TMCC1: variants seen among roughly 807,000 people sequenced by gnomAD.
TMCC1 encodes the protein transmembrane and coiled-coil domains protein 1.
In TMCC1, 15 loss-of-function variants were observed where a neutral mutation model predicts 52.4. That is an observed-to-expected ratio of 0.29 (90% confidence interval 0.19 to 0.44). The LOEUF is 0.44. Ranked by LOEUF, TMCC1 falls within the 20% of genes least tolerant of loss-of-function variation. TMCC1 has a pLI of 1.00. For missense variants in TMCC1, 503 were observed against 806.0 expected (o/e 0.62, Z 4.55); for synonymous variants, 279 against 301.9 (o/e 0.92, Z 0.79).
intron 1 of TMCC1, among the ~76,000 whole-genome samples, chr3:129,888,382 G>C (rs1381163523): frequency 2.0e-5 from 3 of 152,184 alleles, no homozygotes; most frequent in East Asian, 1.9e-4. Context: ...TCCCTTGAGA[G>C]GGCCTAGAAG....
intron 2 of TMCC1, among the ~76,000 whole-genome samples, chr3:129,866,292 TAA>T (rs1343123841): frequency 7.0e-6 from 1 of 143,644 alleles, no homozygotes; most frequent in African/African-American, 2.5e-5. Flanking sequence ...CATATATACA[TAA>T]TATATAATAT....
At chr3:129,784,654 G>T (rs951594151) in intron 4 of TMCC1, among the ~76,000 whole-genome samples, 2 of 150,794 alleles carry the variant, frequency 1.3e-5, no homozygotes, top group African/African-American at 4.9e-5. Flanking sequence ...TGGAGGGAGT[G>T]GTTTCGCTAT....
At chr3:129,870,628 A>C (rs1439768375) in intron 2 of TMCC1, among the ~76,000 whole-genome samples, 2 of 143,952 alleles carry the variant, frequency 1.4e-5, no homozygotes, top group Non-Finnish European at 3.0e-5. Context: ...AGTCCCAGCT[A>C]CTCAGGAGGC....
At position 129,770,632 on chromosome 3, in the gene TMCC1, G is replaced by GAAATGAAATA. The variant is rs759409635; in HGVS notation, c.576+57170_576+57171insTATTTCATTT. On this transcript the variant is annotated intron_variant, in intron 4 of 6. Transcript: ENST00000393238. ...GAAATGAAATGAAATGAAATGAAAT[G>GAAATGAAATA]AAATAAAATAAAATAAAATAAAATA... Among the ~76,000 whole-genome samples, 64 of 140,800 alleles carry GAAATGAAATA rather than the reference G, an allele frequency of 4.5e-4. 2 individuals are homozygous for GAAATGAAATA. The highest frequency in any genetic ancestry group is 2.2e-3 in the East Asian group (11 of 5,088). The allele number at this position is 140,800 out of a possible 152,430, so 92.4% of individuals were successfully genotyped here. A position where few individuals can be genotyped will look rare whatever the true frequency, so the allele number is the denominator to read the frequency against.
At chr3:129,660,768 T>C (rs2086970337) in intron 5 of TMCC1, among the ~76,000 whole-genome samples, 1 of 152,136 alleles carries the variant, frequency 6.6e-6, no homozygotes, top group South Asian at 2.1e-4. Flanking sequence ...CTCAAGTAAT[T>C]TTTATTTTTT....
chr3:129,764,761 A>G (rs201978280), intron 4 of TMCC1, among the ~76,000 whole-genome samples: 27,736 of 36,400 alleles, frequency 0.76, 10,367 homozygotes, highest in Middle Eastern at 0.87. Context: ...GTGTGTGTAT[A>G]TATATATATA....
At chr3:129,825,193 C>T (rs2058606102) in intron 4 of TMCC1, among the ~76,000 whole-genome samples, 1 of 152,228 alleles carries the variant, frequency 6.6e-6, no homozygotes, top group Non-Finnish European at 1.5e-5. Context: ...ACTGGGAGAA[C>T]AGTACACCTG....
intron 4 of TMCC1, among the ~76,000 whole-genome samples, chr3:129,744,361 C>T (rs2051735378): frequency 6.6e-6 from 1 of 152,112 alleles, no homozygotes. Context: ...CTATGTTGCC[C>T]AGGCTGGTCT....
chr3:129,670,692 T>C lies in TMCC1; in HGVS notation c.1149A>G (p.Ala383=). 2 of 1,614,224 alleles carry C rather than the reference T, an allele frequency of 1.2e-6. No individual in the cohort carries two copies. Among genetic ancestry groups the C allele is most frequent in the Middle Eastern group, 1.6e-4 (1 of 6,062 alleles). ...AGTCCTTCAGGTTGGGGATGTTGTCTGCACTGCCAAATTTGTTCCGAATGA... is the reference window on the plus strand; with the variant it reads ...AGTCCTTCAGGTTGGGGATGTTGTCCGCACTGCCAAATTTGTTCCGAATGA... The part of the protein sequence containing the change: ...ASLIRNKFGS[A]DNIPNLKDSL... The change falls in exon 5 of 7, where the codon GCA becomes GCG. Residue 383 remains alanine (A), a synonymous_variant. Coordinates refer to ENST00000393238, the MANE Select transcript of TMCC1 (RefSeq NM_001017395.5).
intron 1 of TMCC1, among the ~76,000 whole-genome samples, chr3:129,889,525 G>A (rs757627328): frequency 1.2e-4 from 19 of 152,212 alleles, no homozygotes; most frequent in Non-Finnish European, 2.5e-4. Flanking sequence ...AATGATCACA[G>A]GGATGTAAGA....
At chr3:129,848,506 A>G (rs1292207310) in intron 2 of TMCC1, 3 of 152,194 alleles carry the variant, frequency 2.0e-5, no homozygotes, top group Non-Finnish European at 2.9e-5. Flanking sequence ...AGCTTAGATT[A>G]TATGAGCCAT....
At chr3:129,851,726 T>G (rs543536038) in intron 2 of TMCC1, among the ~76,000 whole-genome samples, 1 of 152,348 alleles carries the variant, frequency 6.6e-6, no homozygotes, top group East Asian at 1.9e-4. Flanking sequence ...CTAGCAATTC[T>G]ACTTCTGGGT....
At chr3:129,699,376 A>C (rs2047646834) in intron 4 of TMCC1, among the ~76,000 whole-genome samples, 1 of 152,210 alleles carries the variant, frequency 6.6e-6, no homozygotes, top group Non-Finnish European at 1.5e-5. Flanking sequence ...GACAGTTTAC[A>C]AATGCCATGG....
intron 4 of TMCC1, among the ~76,000 whole-genome samples, chr3:129,733,029 C>T (rs979015332): frequency 1.3e-5 from 2 of 152,038 alleles, no homozygotes; most frequent in Non-Finnish European, 2.9e-5. Context: ...TAAATTAAAC[C>T]CTGGTTCAAC....
intron 6 of TMCC1, among the ~76,000 whole-genome samples, chr3:129,653,835 T>TA (rs141844889): frequency 6.6e-6 from 1 of 152,168 alleles, no homozygotes; most frequent in East Asian, 1.9e-4. Context: ...GCTCAATTAC[T>TA]AAAAAAACTT....
intron 4 of TMCC1, among the ~76,000 whole-genome samples, chr3:129,801,053 A>G (rs1376777716): frequency 6.6e-6 from 1 of 151,160 alleles, no homozygotes; most frequent in Non-Finnish European, 1.5e-5. Flanking sequence ...CCTCCGGAGC[A>G]GCAGGGACAA....
At chr3:129,860,069 A>G (rs1187071020) in intron 2 of TMCC1, among the ~76,000 whole-genome samples, 3 of 152,242 alleles carry the variant, frequency 2.0e-5, no homozygotes, top group Non-Finnish European at 4.4e-5. Flanking sequence ...AGTTTATTTA[A>G]TCTAACACAA....
intron 2 of TMCC1, among the ~76,000 whole-genome samples, chr3:129,858,038 G>C (rs1025537821): frequency 6.7e-6 from 1 of 148,464 alleles, no homozygotes; most frequent in Admixed American, 6.7e-5. Flanking sequence ...CTCTACCACA[G>C]GTGTCCCTCT....
At chr3:129,808,165 G>A (rs934168925) in intron 4 of TMCC1, among the ~76,000 whole-genome samples, 1 of 151,986 alleles carries the variant, frequency 6.6e-6, no homozygotes, top group Non-Finnish European at 1.5e-5. Context: ...CTGGGTGACA[G>A]AGCAAGACCC....
Sources: gnomAD v4.1 joint callset for allele counts (sites outside exome capture counted in the v4.1 genomes callset) on GRCh38, gnomAD v4.1.1 for gene constraint, MANE v1.5 for transcripts, NCBI Gene and HGNC (gene_info 2026-07-23, HGNC 2026-07-21) for gene names.